EP400: variants seen among roughly 807,000 people sequenced by gnomAD.
EP400 encodes E1A binding protein p400, also known as E1A-binding protein p400.
Under a neutral mutation model 354.1 loss-of-function variants are expected in EP400, and 105 were observed. The observed-to-expected ratio is 0.30, with a 90% CI of 0.25 to 0.35. EP400 has a LOEUF of 0.35. Among genes scored for constraint, EP400 ranks in the 10% least tolerant of loss-of-function variants. The pLI, the probability that EP400 is intolerant of heterozygous loss-of-function variation, is 1.00. For missense variants in EP400, 3,280 were observed against 4,121.0 expected, an observed-to-expected ratio of 0.80 and a Z score of 5.59; for synonymous variants, 1,646 against 1,716.9, an observed-to-expected ratio of 0.96 and a Z score of 1.02.
At chr12:131,950,827 CACTA>C (rs781030232) in intron 1 of EP400, among the ~76,000 whole-genome samples, 50 of 152,208 alleles carry the variant, frequency 3.3e-4, no homozygotes, top group Non-Finnish European at 6.0e-4. Flanking sequence ...GATGACGGCT[CACTA>C]GAGCCTCGAC....
chr12:131,982,225 G>C lies in EP400; in HGVS notation c.1676G>C (p.Gly559Ala). 2 of 1,614,004 alleles carry C rather than the reference G, an allele frequency of 1.2e-6. No individual in the cohort carries two copies. Among genetic ancestry groups the C allele is most frequent in the Non-Finnish European group, 1.7e-6 (2 of 1,179,968 alleles). ...CACACCCCACTGCCGCAGCTGCCCG[G>C]GAGGCTGCCCCCAGCCGGTGTTCCC... Reference protein sequence around the residue: ...SLHTPLPQLPGRLPPAGVPTA... With the variant: ...SLHTPLPQLPARLPPAGVPTA... The change falls in exon 5 of 53, where the codon GGG becomes GCG. Residue 559 changes from glycine to alanine, a missense_variant. Gly to Ala is a moderately conservative substitution (Grantham distance 60, BLOSUM62 0). Around this residue, in one of 20 missense-constraint regions of EP400, gnomAD observed 800 missense variants for 840.0 expected, o/e 0.95. Transcript: ENST00000389561.
chr12:132,039,397 G>A (rs985405928), intron 32 of EP400, among the ~76,000 whole-genome samples: 3 of 152,126 alleles, frequency 2.0e-5, no homozygotes, highest in East Asian at 1.9e-4. Flanking sequence ...TGCAGGCCAC[G>A]GAGTGAGAGA....
rs1158303765 is a variant in EP400 at position 132,013,857 on chromosome 12, G to A, written c.3867G>A (p.Lys1289=). The change falls in exon 19 of 53, where the codon AAG becomes AAA. Residue 1289 remains lysine (K), a synonymous_variant. Coordinates refer to ENST00000389561, the MANE Select transcript of EP400 (RefSeq NM_015409.5). This position sits in a 1 kb window ranked among gnomAD's most constrained non-coding sequence, Gnocchi z 4.5. ...QLTKKYEHVL[K]CRLSNRQKAL... ...CAAAGAAATATGAGCATGTTTTGAA[G>A]TGTCGCCTTTCTAACCGACAAAAAG... 6.2e-7 allele frequency: 1 copy of A among 1,614,272 alleles called. No individual in the cohort carries two copies. The highest frequency in any genetic ancestry group is 8.5e-7 in the Non-Finnish European group (1 of 1,180,052).
rs890411630 is a variant in EP400 at position 132,067,581 on chromosome 12, C to T, written c.8874+95C>T. ...CCTAAGCAGACAAATCCCCATGTGG[C>T]GGCTCACGCTTTTCAGAGGGTGGCT... On this transcript the variant is annotated intron_variant, in intron 50 of 52. Transcript: ENST00000389561. The surrounding 1 kb of genome is among the most constrained non-coding windows in gnomAD (Gnocchi z 5.3). 2.9e-5 allele frequency: 44 copies of T among 1,505,250 alleles called. No homozygotes were observed. Among genetic ancestry groups the T allele is most frequent in the Admixed American group, 6.1e-5 (3 of 49,066 alleles). The allele number at this position is 1,505,250 out of a possible 1,614,324, so 93.2% of individuals were successfully genotyped here.
At chr12:132,074,200 C>A (rs1292049936) in intron 51 of EP400, among the ~76,000 whole-genome samples, 1 of 152,118 alleles carries the variant, frequency 6.6e-6, no homozygotes, top group African/African-American at 2.4e-5. Context: ...GCTGGGATTA[C>A]AGGCATGAGC....
Position 132,006,162 on chromosome 12 carries a change from A to G in EP400, c.2986A>G (p.Ile996Val), listed in dbSNP as rs747659717. Residue 996 changes from isoleucine to valine, a missense_variant, in exon 14 of 53, where the codon ATC (isoleucine) becomes GTC (valine). Around this residue, in one of 20 missense-constraint regions of EP400, gnomAD observed 800 missense variants for 840.0 expected, o/e 0.95. Transcript: ENST00000389561. ...GGAGAGTCGCAAGGACTTGGTTCTCATCGACTCGCTTTTCATCATGGATCA... is the reference window on the plus strand; with the variant it reads ...GGAGAGTCGCAAGGACTTGGTTCTCGTCGACTCGCTTTTCATCATGGATCA... ...DRESRKDLVL[I>V]DSLFIMDQFK... is the part of the protein sequence containing the mutation. The G allele has an allele frequency of 1.2e-6, 2 of 1,614,184 alleles. No homozygotes were observed. Among genetic ancestry groups the G allele is most frequent in the South Asian group, 2.2e-5 (2 of 91,090 alleles).
chr12:132,077,312 G>A (rs768701202), intron 52 of EP400, 89 bp from the exon 53 acceptor site: 96 of 1,495,530 alleles, frequency 6.4e-5, no homozygotes, highest in Non-Finnish European at 7.9e-5. Context: ...GAAGTTTCTC[G>A]AGTCCTCCCC....
rs190666690 is a variant in EP400 at position 132,067,130 on chromosome 12, C to T, written c.8749+161C>T. 6.7e-3 allele frequency: 7,604 copies of T among 1,143,170 alleles called. 35 individuals carry two copies. Among genetic ancestry groups the T allele is most frequent in the Non-Finnish European group, 8.3e-3 (6,915 of 834,650 alleles). 70.8% of individuals were successfully genotyped at this position (1,143,170 alleles called of 1,614,324 possible). ...CAAACGTGCCTTGGCGCTTTCCAGG[C>T]GCAAGGCTGGGTCCTCAATTGAACT... is the stretch of plus-strand genomic sequence containing the variant. On this transcript the variant is annotated intron_variant, in intron 49 of 52. Coordinates refer to ENST00000389561, the MANE Select transcript of EP400 (RefSeq NM_015409.5). This position sits in a 1 kb window ranked among gnomAD's most constrained non-coding sequence, Gnocchi z 5.3.
chr12:132,022,051 G>T (rs1350316554), intron 23 of EP400, among the ~76,000 whole-genome samples: 1 of 152,208 alleles, frequency 6.6e-6, no homozygotes, highest in Non-Finnish European at 1.5e-5. Context: ...ATGCAGATGG[G>T]AGAGGGAGTG....
At chr12:132,045,154 A>G (rs960063394) in intron 37 of EP400, among the ~76,000 whole-genome samples, 165 bp from the exon 38 acceptor site, 1 of 151,854 alleles carries the variant, frequency 6.6e-6, no homozygotes, top group Non-Finnish European at 1.5e-5. Context: ...GTTTCATTCT[A>G]ATTGACCATG....
At chr12:132,063,602 A>G (rs1895780689) in intron 47 of EP400, among the ~76,000 whole-genome samples, 1 of 152,200 alleles carries the variant, frequency 6.6e-6, no homozygotes, top group Admixed American at 6.5e-5. Flanking sequence ...AAGACAAGAC[A>G]ATATTTTGAA....
At chr12:132,004,654 C>T (rs996433539) in intron 12 of EP400, among the ~76,000 whole-genome samples, 11 of 152,032 alleles carry the variant, frequency 7.2e-5, no homozygotes, top group African/African-American at 2.7e-4. Flanking sequence ...TTCAAAGATT[C>T]TCATCTTTAT....
In EP400 at chr12:132,021,146, C is replaced by T; in HGVS notation, c.4515C>T (p.Ala1505=). Residue 1505 remains alanine (A), a synonymous_variant, in exon 23 of 53, where the codon GCC becomes GCT. Transcript: ENST00000389561. The part of the protein sequence containing the change: ...ASAPRHQPAS[A]SSTAASPAHP... ...CTCCACGACACCAGCCCGCCTCGGCCTCCAGCACAGCCGCTAGCCCGGCCC... is the reference window on the plus strand; with the variant it reads ...CTCCACGACACCAGCCCGCCTCGGCTTCCAGCACAGCCGCTAGCCCGGCCC... 1.2e-6 allele frequency: 2 copies of T among 1,600,628 alleles called. No individual in the cohort carries two copies. Among genetic ancestry groups the T allele is most frequent in the Non-Finnish European group, 1.7e-6 (2 of 1,179,812 alleles).
In EP400 at chr12:131,990,030, G is replaced by C. The variant is rs1346683584; in HGVS notation, c.2476G>C (p.Glu826Gln). The C allele has an allele frequency of 1.2e-6, 2 of 1,613,632 alleles. No individual in the cohort carries two copies. The highest frequency in any genetic ancestry group is 2.7e-5 in the African/African-American group (2 of 74,908). The change falls in exon 8 of 53, where the codon GAG becomes CAG. Residue 826 changes from glutamate (E) to glutamine (Q), a missense_variant. Around this residue, in one of 20 missense-constraint regions of EP400, gnomAD observed 800 missense variants for 840.0 expected, o/e 0.95. Transcript: ENST00000389561. This position sits in a 1 kb window ranked among gnomAD's most constrained non-coding sequence, Gnocchi z 4.2. ...QLREERGKKEEQSRLRRIAAS... is the reference protein window; with the variant it reads ...QLREERGKKEQQSRLRRIAAS... Reference sequence around the variant, plus strand: ...CCGTGAAGAAAGGGGGAAGAAGGAAGAGCAGAGCAGACTGAGGCGGATAGC... The same window carrying C: ...CCGTGAAGAAAGGGGGAAGAAGGAACAGCAGAGCAGACTGAGGCGGATAGC...
In EP400 at chr12:131,981,529, G is replaced by A. The variant is rs569151190; in HGVS notation, c.1476G>A (p.Gly492=). ...KRPRLEVGHQ[G]VVFQHPGADA... is the part of the protein sequence containing the mutation. Reference sequence around the variant, plus strand: ...CTCGCCTTGAAGTGGGTCACCAAGGGGTAGTTTTCCAGCACCCAGGGGCGG... The same window carrying A: ...CTCGCCTTGAAGTGGGTCACCAAGGAGTAGTTTTCCAGCACCCAGGGGCGG... Residue 492 remains glycine (G), a synonymous_variant, in exon 4 of 53, where the codon GGG becomes GGA. Transcript: ENST00000389561. 6 of 1,597,734 alleles carry A rather than the reference G, an allele frequency of 3.8e-6. No individual in the cohort carries two copies. In the East Asian group the frequency reaches 1.1e-4, roughly 30 times the overall value.
chr12:132,044,823 G>A lies in EP400; in HGVS notation c.6654G>A (p.Pro2218=), dbSNP rs141740536. Residue 2218 remains proline, a synonymous_variant, in exon 37 of 53, where the codon CCG becomes CCA. Coordinates refer to ENST00000389561, the MANE Select transcript of EP400 (RefSeq NM_015409.5). ...AGCTCTGGACCCCACCCACCCCGCC[G>A]CAGGACGACAGCGACATCTACCTCG... ...VMPLWTPPTP[P]QDDSDIYLDS... 6,824 of 1,614,058 alleles carry A rather than the reference G, an allele frequency of 4.2e-3. 30 individuals carry two copies. The highest frequency in any genetic ancestry group is 0.019 in the African/African-American group (1,449 of 75,012).
chr12:131,987,983 C>CT (rs778740521), intron 7 of EP400, 93 bp downstream of exon 7: 17,561 of 266,478 alleles, frequency 0.066, 99 homozygotes, highest in South Asian at 0.082. Context: ...TCCAGACCCA[C>CT]TTTTTTTTTT....
chr12:131,962,335 C>G (rs1318899466), intron 2 of EP400, among the ~76,000 whole-genome samples: 1 of 152,186 alleles, frequency 6.6e-6, no homozygotes, highest in East Asian at 1.9e-4. Context: ...TGTCACCAGC[C>G]AAACGTGTGA....
chr12:132,003,926 G>C (rs1434141690), intron 12 of EP400, among the ~76,000 whole-genome samples: 2 of 152,204 alleles, frequency 1.3e-5, no homozygotes, highest in Non-Finnish European at 2.9e-5. Flanking sequence ...CATGGCATTT[G>C]TTGTTTTGGC....
Sources: gnomAD v4.1 joint callset for allele counts (sites outside exome capture counted in the v4.1 genomes callset) on GRCh38, gnomAD v4.1.1 for gene constraint, gnomAD v4.1.1 regional missense constraint, Gnocchi (gnomAD v3.1) non-coding constraint, MANE v1.5 for transcripts, NCBI Gene and HGNC (gene_info 2026-07-23, HGNC 2026-07-21) for gene names.